The following DOCK7 variants were observed in gnomAD, a reference collection of about 807,000 sequenced individuals.
DOCK7 encodes the protein dedicator of cytokinesis protein 7.
A neutral mutation model predicts 271.0 loss-of-function variants in DOCK7; 138 were observed. That is an observed-to-expected ratio of 0.51 (90% CI 0.44 to 0.59). The LOEUF is 0.59. Among genes scored for constraint, DOCK7 ranks in the 20% least tolerant of loss-of-function variants. The probability of loss-of-function intolerance (pLI) is 0.00; values close to 1 mark genes in which losing one functional copy is unlikely to be tolerated. For synonymous variants in DOCK7, 823 were observed against 876.1 expected, an observed-to-expected ratio of 0.94 and a Z score of 1.07; for missense variants, 2,066 against 2,592.4, an observed-to-expected ratio of 0.80 and a Z score of 4.41.
intron 14 of DOCK7, among the ~76,000 whole-genome samples, chr1:62,612,137 C>T (rs1320685578): frequency 1.3e-5 from 2 of 151,964 alleles, no homozygotes; most frequent in Non-Finnish European, 2.9e-5. Flanking sequence ...GACAGGGCAT[C>T]AGAGCAAGAT....
chr1:62,679,499 GC>G (rs1386166291), intron 1 of DOCK7, among the ~76,000 whole-genome samples: 1 of 152,098 alleles, frequency 6.6e-6, no homozygotes, highest in Non-Finnish European at 1.5e-5. Flanking sequence ...ATTTAAATAA[GC>G]AATTTACATA....
chr1:62,505,892 T>C, intron 35 of DOCK7, 76 bp from the exon 36 acceptor site: 1 of 1,438,370 alleles, frequency 7.0e-7, no homozygotes, highest in East Asian at 2.4e-5. Context: ...CCTCCCTATG[T>C]ATAAATAAAG....
At position 62,474,843 on chromosome 1, in the gene DOCK7, T is replaced by G. The variant is rs79212572; in HGVS notation, c.6105+365A>C. Among the ~76,000 whole-genome samples the G allele has an allele frequency of 3.3e-3, 495 of 152,282 alleles. 7 individuals are homozygous for G. The highest frequency in any genetic ancestry group is 0.029 in the East Asian group (148 of 5,184). On this transcript the variant is annotated intron_variant, in intron 47 of 49. Transcript: ENST00000635253. ...AACAATAATTTCTTGTGTCAATATATTTTTCAAATTAAAAAAATGATTCCA... is the reference window on the plus strand; with the variant it reads ...AACAATAATTTCTTGTGTCAATATAGTTTTCAAATTAAAAAAATGATTCCA...
chr1:62,647,570 A>G lies in DOCK7; in HGVS notation c.818+121T>C, dbSNP rs546856661. On this transcript the variant is annotated intron_variant, in intron 7 of 49. Coordinates refer to ENST00000635253, the MANE Select transcript of DOCK7 (RefSeq NM_001367561.1). The stretch of plus-strand genomic sequence containing the variant: ...CTGAATAGTATTTAAAATGACATGT[A>G]GAACAATACTTCTCAAAAGGACACA... 125 of 690,714 alleles carry G rather than the reference A, an allele frequency of 1.8e-4. 3 individuals carry two copies. The South Asian group carries it at 2.3e-3, about 12-fold the overall frequency. 42.8% of individuals were successfully genotyped at this position (690,714 alleles called of 1,614,324 possible). A position where few individuals can be genotyped will look rare whatever the true frequency, so the allele number is the denominator to read the frequency against.
At chr1:62,569,761 T>C (rs1646708527) in intron 18 of DOCK7, among the ~76,000 whole-genome samples, 1 of 120,366 alleles carries the variant, frequency 8.3e-6, no homozygotes, top group African/African-American at 3.2e-5. Flanking sequence ...TCACTCAGGC[T>C]AGAGTGCAGT....
chr1:62,685,938 A>G (rs991339062), intron 1 of DOCK7, among the ~76,000 whole-genome samples: 4 of 152,204 alleles, frequency 2.6e-5, no homozygotes, highest in Admixed American at 2.6e-4. Flanking sequence ...ACTTCTTAGA[A>G]AGCTGTTCTT....
intron 7 of DOCK7, chr1:62,641,317 G>C (rs1460090189): frequency 2.4e-6 from 1 of 411,180 alleles, no homozygotes; most frequent in African/African-American, 2.1e-5. Flanking sequence ...GGAGCCCCAG[G>C]TAGGCAAACT....
rs779869224 is a variant in DOCK7 at position 62,476,053 on chromosome 1, C to A, written c.5724+14G>T. ...AGAGATGTCTATATGTCATTATAGT[C>A]GAATCAACTATACCTTGTTAGGATC... On this transcript the variant is annotated intron_variant, in intron 45 of 49. Transcript: ENST00000635253. 5.2e-5 allele frequency: 83 copies of A among 1,601,636 alleles called. No individual in the cohort carries two copies. The highest frequency in any genetic ancestry group is 6.7e-5 in the Non-Finnish European group (78 of 1,170,636).
intron 1 of DOCK7, among the ~76,000 whole-genome samples, chr1:62,675,439 C>G (rs1660444135): frequency 6.6e-6 from 1 of 152,074 alleles, no homozygotes; most frequent in Non-Finnish European, 1.5e-5. Context: ...GAGACCTGAA[C>G]AGGTATTTCA....
intron 12 of DOCK7, among the ~76,000 whole-genome samples, chr1:62,620,762 C>G (rs1435083687): frequency 6.6e-6 from 1 of 150,868 alleles, no homozygotes; most frequent in African/African-American, 2.4e-5. Flanking sequence ...CAGGCGCCTG[C>G]AGTCCCAGCT....
chr1:62,554,023 G>A (rs1412324628), intron 21 of DOCK7, among the ~76,000 whole-genome samples: 1 of 152,002 alleles, frequency 6.6e-6, no homozygotes, highest in African/African-American at 2.4e-5. Context: ...AAATTAAACC[G>A]TGTTTTATTT....
At chr1:62,632,370 T>C (rs1654729634) in intron 10 of DOCK7, among the ~76,000 whole-genome samples, 1 of 152,100 alleles carries the variant, frequency 6.6e-6, no homozygotes, top group South Asian at 2.1e-4. Context: ...AATGACAACC[T>C]GGGGACAGCC....
At chr1:62,581,658 A>G (rs1445078434) in intron 16 of DOCK7, among the ~76,000 whole-genome samples, 1 of 152,204 alleles carries the variant, frequency 6.6e-6, no homozygotes, top group African/African-American at 2.4e-5. Context: ...ACGATTATTT[A>G]AGAAAACAAT....
chr1:62,456,450 G>C lies in DOCK7; in HGVS notation c.6381-994C>G, dbSNP rs535628251. 1.2e-4 allele frequency among the ~76,000 whole-genome samples: 19 copies of C among 152,222 alleles called. No homozygotes were observed. The South Asian group carries it at 3.7e-3, about 30-fold the overall frequency. ...CATGAGGCTTAATATCTCCAGGAAAGGAAAAGGCCAAGTACAAAGAGATCA... is the reference window on the plus strand; with the variant it reads ...CATGAGGCTTAATATCTCCAGGAAACGAAAAGGCCAAGTACAAAGAGATCA... On this transcript the variant is annotated intron_variant, in intron 49 of 49. Coordinates refer to ENST00000635253, the MANE Select transcript of DOCK7 (RefSeq NM_001367561.1).
intron 1 of DOCK7, among the ~76,000 whole-genome samples, chr1:62,672,342 A>G (rs1411438742): frequency 6.6e-6 from 1 of 152,154 alleles, no homozygotes; most frequent in Non-Finnish European, 1.5e-5. Flanking sequence ...GGCACTTACA[A>G]CGTGTCACAT....
chr1:62,578,981 A>G lies in DOCK7; in HGVS notation c.1872-15T>C. ...AATCAGGAGACCTTCATACAAAAAA[A>G]AAAAAAAATCAACAGTCAGTAATTT... On this transcript the variant is annotated splice_polypyrimidine_tract_variant and intron_variant, in intron 16 of 49. Coordinates refer to ENST00000635253, the MANE Select transcript of DOCK7 (RefSeq NM_001367561.1). The G allele has an allele frequency of 6.6e-7, 1 of 1,522,024 alleles. No homozygotes were observed. Among genetic ancestry groups the G allele is most frequent in the Non-Finnish European group, 8.8e-7 (1 of 1,142,664 alleles). 94.3% of individuals were successfully genotyped at this position (1,522,024 alleles called of 1,614,324 possible).
At chr1:62,638,240 T>C (rs1018658975) in intron 7 of DOCK7, 2 of 152,218 alleles carry the variant, frequency 1.3e-5, no homozygotes, top group Non-Finnish European at 2.9e-5. Context: ...GTGTTGGAAA[T>C]ACCTTCTCCT....
chr1:62,520,083 C>T (rs1215985715), intron 31 of DOCK7, among the ~76,000 whole-genome samples: 2 of 152,142 alleles, frequency 1.3e-5, no homozygotes, highest in Admixed American at 1.3e-4. Flanking sequence ...TTCCTTATAC[C>T]TTATACAAAA....
At chr1:62,537,415 G>A (rs762763099) in intron 28 of DOCK7, among the ~76,000 whole-genome samples, 6 of 151,750 alleles carry the variant, frequency 4.0e-5, no homozygotes, top group Non-Finnish European at 8.8e-5. Context: ...GTGAAACCCC[G>A]TCTCTACTAA....
Sources: gnomAD v4.1 joint callset for allele counts (sites outside exome capture counted in the v4.1 genomes callset) on GRCh38, gnomAD v4.1.1 for gene constraint, MANE v1.5 for transcripts, NCBI Gene and HGNC (gene_info 2026-07-23, HGNC 2026-07-21) for gene names.